The following TTLL1 variants were observed in gnomAD, a reference collection of about 807,000 sequenced individuals.
TTLL1 encodes the protein TTL family tubulin polyglutamylase complex subunit L1.
A neutral mutation model predicts 47.8 loss-of-function variants in TTLL1; 33 were observed. That is an observed-to-expected ratio of 0.69 (90% CI 0.52 to 0.92). TTLL1 has a LOEUF of 0.92. Ranked by LOEUF, TTLL1 falls within the 40% of genes least tolerant of loss-of-function variation. The pLI is 0.00. For synonymous variants in TTLL1, 225 were observed against 214.1 expected (o/e 1.05, Z -0.45); for missense variants, 488 against 547.5 (o/e 0.89, Z 1.08).
At chr22:43,083,524 C>T (rs985574148) in intron 1 of TTLL1, among the ~76,000 whole-genome samples, 8 of 152,052 alleles carry the variant, frequency 5.3e-5, no homozygotes, top group African/African-American at 1.9e-4. Context: ...CCTGAGGTCA[C>T]GAGTTCGAGG....
chr22:43,055,816 A>G (rs1926960594), intron 8 of TTLL1, among the ~76,000 whole-genome samples: 2 of 152,106 alleles, frequency 1.3e-5, no homozygotes, highest in Non-Finnish European at 2.9e-5. Context: ...TTCACTTCAA[A>G]GAGGCTCAAT....
chr22:43,064,308 T>C lies in TTLL1; in HGVS notation c.520A>G (p.Asn174Asp), dbSNP rs1250179213. The change falls in exon 6 of 11, where the codon AAT becomes GAT. Residue 174 changes from asparagine (N) to aspartate (D), a missense_variant. Coordinates refer to ENST00000266254, the MANE Select transcript of TTLL1 (RefSeq NM_012263.5). The part of the protein sequence containing the change: ...SKTSSFVSQS[N>D]KEAYVISLYI... The stretch of plus-strand genomic sequence containing the variant: ...AGAGAGATCACGTAGGCTTCCTTAT[T>C]AGATTGAGACACAAACCTAAACATG... The C allele has an allele frequency of 1.2e-6, 2 of 1,612,352 alleles. No individual in the cohort carries two copies. Among genetic ancestry groups the C allele is most frequent in the African/African-American group, 2.7e-5 (2 of 74,864 alleles).
chr22:43,071,579 G>A (rs1168510711), intron 3 of TTLL1, among the ~76,000 whole-genome samples: 1 of 151,780 alleles, frequency 6.6e-6, no homozygotes, highest in African/African-American at 2.4e-5. Context: ...ACCGCTAATT[G>A]TTATATTTTT....
intron 5 of TTLL1, among the ~76,000 whole-genome samples, chr22:43,066,302 G>C (rs1352384961): frequency 6.6e-6 from 1 of 151,880 alleles, no homozygotes; most frequent in African/African-American, 2.4e-5. Context: ...ATGGGGGTGG[G>C]GTGTATCCAT....
chr22:43,077,853 TC>T (rs1476140884), intron 2 of TTLL1, among the ~76,000 whole-genome samples: 3 of 152,140 alleles, frequency 2.0e-5, no homozygotes, highest in Admixed American at 6.5e-5. Context: ...ACGCCTATAA[TC>T]CCAGCACTTT....
chr22:43,059,277 A>C, intron 8 of TTLL1, 107 bp downstream of exon 8: 1 of 1,460,298 alleles, frequency 6.8e-7, no homozygotes, highest in Non-Finnish European at 9.1e-7. Context: ...TACAGGCGTG[A>C]GCCGCCGCGC....
rs1283776338 is a variant in TTLL1 at position 43,056,525 on chromosome 22, G to A, written c.891+2859C>T. 9.2e-5 allele frequency among the ~76,000 whole-genome samples: 12 copies of A among 130,674 alleles called. 1 individual carries two copies. The highest frequency in any genetic ancestry group is 9.1e-5 in the Admixed American group (1 of 10,942). 85.7% of individuals were successfully genotyped at this position (130,674 alleles called of 152,430 possible). ...TGGCCGGGTGCAGTAGCTCACGCCT[G>A]TAATCCCAGCACTTTTGGGAGGTCC... On this transcript the variant is annotated intron_variant, in intron 8 of 10. Coordinates refer to ENST00000266254, the MANE Select transcript of TTLL1 (RefSeq NM_012263.5).
intron 7 of TTLL1, among the ~76,000 whole-genome samples, chr22:43,059,809 C>A (rs1174402779): frequency 6.6e-6 from 1 of 152,096 alleles, no homozygotes; most frequent in Admixed American, 6.6e-5. Context: ...CCCACCTCAG[C>A]CTCTCAAGTA....
intron 5 of TTLL1, among the ~76,000 whole-genome samples, chr22:43,066,470 T>A (rs539655844): frequency 1.5e-3 from 229 of 152,016 alleles, no homozygotes; most frequent in Non-Finnish European, 2.6e-3. Flanking sequence ...ACACCTGTAG[T>A]CCCAGCACTT....
intron 2 of TTLL1, among the ~76,000 whole-genome samples, chr22:43,079,479 A>C (rs1418739990): frequency 6.6e-6 from 1 of 152,166 alleles, no homozygotes; most frequent in Non-Finnish European, 1.5e-5. Context: ...TTTCATTTTC[A>C]CTATGTGATT....
intron 5 of TTLL1, among the ~76,000 whole-genome samples, chr22:43,066,233 G>T (rs1432559120): frequency 6.6e-6 from 1 of 151,712 alleles, no homozygotes; most frequent in Non-Finnish European, 1.5e-5. Context: ...GGTGCATCTC[G>T]TCAGCTGGCA....
At chr22:43,046,338 A>C in intron 10 of TTLL1, 72 bp downstream of exon 10, 1 of 1,562,644 alleles carries the variant, frequency 6.4e-7, no homozygotes, top group African/African-American at 1.3e-5. Flanking sequence ...ATGCCCAGAA[A>C]TCCAAGCTGG....
chr22:43,070,027 C>G (rs749575261), intron 3 of TTLL1, 183 bp from the exon 4 acceptor site: 2 of 1,211,302 alleles, frequency 1.7e-6, no homozygotes, highest in East Asian at 5.2e-5. Context: ...AGGGACAGGC[C>G]GGGACCCAAG....
In TTLL1 at chr22:43,076,533, T is replaced by C. The variant is rs372826997; in HGVS notation, c.-4-943A>G. Among the ~76,000 whole-genome samples the C allele has an allele frequency of 1.3e-4, 20 of 151,198 alleles. No homozygotes were observed. The East Asian group carries it at 2.8e-3, about 21-fold the overall frequency. ...TTGGGCGGCCAAGGTGGGCAGATCA[T>C]GAGGTCAGGAGATTGAGACCATCCT... On this transcript the variant is annotated intron_variant, in intron 2 of 10. Transcript: ENST00000266254.
At chr22:43,070,279 C>T (rs1373435662) in intron 3 of TTLL1, 1 of 1,122,484 alleles carries the variant, frequency 8.9e-7, no homozygotes, top group Non-Finnish European at 1.2e-6. Context: ...TTTAAGGGCC[C>T]TGAGTCAGTA....
intron 3 of TTLL1, chr22:43,070,240 A>G: frequency 7.6e-7 from 1 of 1,316,448 alleles, no homozygotes; most frequent in Non-Finnish European, 1.0e-6. Flanking sequence ...AAGGTCAAGG[A>G]GCCTTTAAAA....
intron 3 of TTLL1, among the ~76,000 whole-genome samples, chr22:43,075,240 A>C (rs1193452338): frequency 6.6e-6 from 1 of 152,188 alleles, no homozygotes; most frequent in East Asian, 1.9e-4. Context: ...CAAACTCCCC[A>C]CAGGGTTGCT....
intron 2 of TTLL1, among the ~76,000 whole-genome samples, chr22:43,075,936 A>G (rs1041464615): frequency 1.1e-4 from 16 of 152,110 alleles, no homozygotes; most frequent in Admixed American, 2.0e-4. Context: ...CCATCAAATC[A>G]CCACCCGGGA....
intron 1 of TTLL1, among the ~76,000 whole-genome samples, chr22:43,081,769 G>A (rs533053971): frequency 1.3e-5 from 2 of 149,352 alleles, no homozygotes; most frequent in Non-Finnish European, 3.0e-5. Context: ...GGTTGGTCTT[G>A]AACTCCTGAC....
Sources: gnomAD v4.1 joint callset for allele counts (sites outside exome capture counted in the v4.1 genomes callset) on GRCh38, gnomAD v4.1.1 for gene constraint, MANE v1.5 for transcripts, NCBI Gene and HGNC (gene_info 2026-07-23, HGNC 2026-07-21) for gene names.